Variants in AGBL1 observed in about 807,000 individuals in gnomAD.
AGBL1 encodes cytosolic carboxypeptidase 4.
AGBL1 carries 130 observed loss-of-function variants against 118.9 expected under a neutral mutation model. That is an observed-to-expected ratio of 1.09 (90% CI 0.95 to 1.26). The LOEUF is 1.26. Ranked by LOEUF, AGBL1 falls within the 50% of genes most tolerant of loss-of-function variation. The pLI is 0.00. For missense variants in AGBL1, 1,584 were observed against 1,298.1 expected, an observed-to-expected ratio of 1.22 and a Z score of -3.38; for synonymous variants, 555 against 478.9, an observed-to-expected ratio of 1.16 and a Z score of -2.08.
upstream of AGBL1, chr15:86,079,623 TG>T (rs1217475014): frequency 5.3e-6 from 1 of 190,326 alleles, no homozygotes; most frequent in East Asian, 1.2e-4. Context: ...CCAGGTCAGC[TG>T]GGAATGCCTG....
At chr15:86,976,354 T>G (rs903785980) in intron 23 of AGBL1, among the ~76,000 whole-genome samples, 1 of 151,772 alleles carries the variant, frequency 6.6e-6, no homozygotes, top group Non-Finnish European at 1.5e-5. Context: ...ATAAAAAAAT[T>G]TTCAAGTCAT....
At chr15:86,271,477 C>A in intron 14 of AGBL1, 142 bp from the exon 15 acceptor site, 2 of 675,868 alleles carry the variant, frequency 3.0e-6, no homozygotes, top group Non-Finnish European at 5.2e-6. Flanking sequence ...TTAACTTAAT[C>A]ATATCTGCAA....
chr15:86,791,681 C>A (rs2078494887), intron 22 of AGBL1, among the ~76,000 whole-genome samples: 1 of 151,358 alleles, frequency 6.6e-6, no homozygotes, highest in South Asian at 2.1e-4. Context: ...TTCCTCTGAT[C>A]TTTGCAATAG....
chr15:86,569,771 G>C (rs1294482669), intron 21 of AGBL1, among the ~76,000 whole-genome samples: 9 of 152,148 alleles, frequency 5.9e-5, no homozygotes, highest in Non-Finnish European at 1.3e-4. Context: ...CCTGGGATTA[G>C]AAAAGCCCTG....
downstream of AGBL1, among the ~76,000 whole-genome samples, chr15:87,029,894 A>G (rs2081768497): frequency 6.6e-6 from 1 of 151,960 alleles, no homozygotes; most frequent in South Asian, 2.1e-4. Context: ...TTTGTTGTAG[A>G]GGCAAACAAC....
intron 18 of AGBL1, among the ~76,000 whole-genome samples, chr15:86,465,526 G>A (rs574205392): frequency 1.5e-4 from 23 of 152,274 alleles, no homozygotes; most frequent in African/African-American, 3.1e-4. Context: ...TTCAGAAAGC[G>A]AATAGGAGAA....
At chr15:86,428,988 A>G (rs2081900492) in intron 18 of AGBL1, among the ~76,000 whole-genome samples, 2 of 152,208 alleles carry the variant, frequency 1.3e-5, no homozygotes, top group South Asian at 4.1e-4. Context: ...ACAAGTGAAT[A>G]TTGAGAAATA....
At chr15:86,493,911 G>T (rs1351620697) in intron 18 of AGBL1, among the ~76,000 whole-genome samples, 3 of 151,858 alleles carry the variant, frequency 2.0e-5, no homozygotes, top group African/African-American at 7.3e-5. Context: ...TCATATCAGT[G>T]CATGGCTCCT....
chr15:86,342,682 G>A (rs1049999241), intron 17 of AGBL1, among the ~76,000 whole-genome samples: 4 of 152,124 alleles, frequency 2.6e-5, no homozygotes, highest in African/African-American at 9.7e-5. Flanking sequence ...CATACTAACT[G>A]TGTCGCTGTG....
intron 21 of AGBL1, among the ~76,000 whole-genome samples, chr15:86,569,238 C>T (rs1288531190): frequency 6.6e-6 from 1 of 151,194 alleles, no homozygotes; most frequent in African/African-American, 2.4e-5. Context: ...TTGAGACCAG[C>T]CTGGGCAATA....
intron 22 of AGBL1, among the ~76,000 whole-genome samples, chr15:86,821,919 T>C (rs1455629106): frequency 8.5e-5 from 13 of 152,136 alleles, no homozygotes; most frequent in Admixed American, 8.5e-4. Flanking sequence ...CAATATCGCA[T>C]GGGCACAACC....
chr15:86,295,498 C>T lies in AGBL1; in HGVS notation c.2374+90C>T, dbSNP rs1394020630. 13 of 1,362,114 alleles carry T rather than the reference C, an allele frequency of 9.5e-6. No individual in the cohort carries two copies. In the East Asian group the frequency reaches 2.7e-4, roughly 28 times the overall value. The allele number at this position is 1,362,114 out of a possible 1,614,324, so 84.4% of individuals were successfully genotyped here. On this transcript the variant is annotated intron_variant, in intron 17 of 22. Coordinates refer to ENST00000614907, the MANE Select transcript of AGBL1 (RefSeq NM_001386094.1). The stretch of plus-strand genomic sequence containing the variant: ...CATTCTGTCTCTTTTAGATCAAAAG[C>T]TCCATAAAGGGTTGGAGACTGTCTG...
intron 21 of AGBL1, among the ~76,000 whole-genome samples, chr15:86,559,967 T>A (rs1323797339): frequency 6.6e-6 from 1 of 152,140 alleles, no homozygotes; most frequent in African/African-American, 2.4e-5. Context: ...CACAATTTTC[T>A]TATTTATAAT....
At chr15:86,148,761 C>G (rs150149753) in intron 3 of AGBL1, among the ~76,000 whole-genome samples, 1 of 152,100 alleles carries the variant, frequency 6.6e-6, no homozygotes, top group African/African-American at 2.4e-5. Context: ...CATTCGAATT[C>G]AGGAAATACA....
intron 17 of AGBL1, among the ~76,000 whole-genome samples, chr15:86,299,573 G>A (rs1287480609): frequency 6.6e-6 from 1 of 152,132 alleles, no homozygotes; most frequent in Non-Finnish European, 1.5e-5. Flanking sequence ...TATCCCATAA[G>A]CTGTTTGGGA....
chr15:86,805,121 G>A (rs895804542), intron 22 of AGBL1, among the ~76,000 whole-genome samples: 1 of 151,944 alleles, frequency 6.6e-6, no homozygotes, highest in African/African-American at 2.4e-5. Flanking sequence ...GAGCAGAGCT[G>A]TCTCACCCAT....
intron 5 of AGBL1, among the ~76,000 whole-genome samples, chr15:86,174,535 A>C (rs1178334059): frequency 6.6e-6 from 1 of 152,174 alleles, no homozygotes; most frequent in Non-Finnish European, 1.5e-5. Context: ...TCCAGTTCTC[A>C]GAGGAAATTC....
chr15:86,561,878 T>C (rs2083827160), intron 21 of AGBL1, among the ~76,000 whole-genome samples: 1 of 152,204 alleles, frequency 6.6e-6, no homozygotes, highest in Non-Finnish European at 1.5e-5. Context: ...ACATCCCTTG[T>C]AAATTGGATT....
intron 24 of AGBL1, among the ~76,000 whole-genome samples, chr15:87,010,830 C>T (rs2081551970): frequency 6.6e-6 from 1 of 152,206 alleles, no homozygotes; most frequent in Non-Finnish European, 1.5e-5. Context: ...ATCTATCTGT[C>T]TGCCTACATA....
Sources: gnomAD v4.1 joint callset for allele counts (sites outside exome capture counted in the v4.1 genomes callset) on GRCh38, gnomAD v4.1.1 for gene constraint, MANE v1.5 for transcripts, NCBI Gene and HGNC (gene_info 2026-07-23, HGNC 2026-07-21) for gene names.